Variants in RNF32 observed in about 807,000 individuals in gnomAD.
The protein encoded by RNF32 is ring finger protein 32.
Under a neutral mutation model 41.0 loss-of-function variants are expected in RNF32, and 36 were observed. The observed-to-expected ratio is 0.88, with a 90% CI of 0.67 to 1.16. RNF32 has a LOEUF of 1.16. RNF32 is among the 50% of genes most tolerant of loss of function. The pLI is 0.00. For synonymous variants in RNF32, 154 were observed against 160.9 expected (o/e 0.96, Z 0.32); for missense variants, 413 against 436.7 (o/e 0.95, Z 0.48).
At chr7:156,667,586 G>A (rs1801537957) in intron 7 of RNF32, among the ~76,000 whole-genome samples, 1 of 152,158 alleles carries the variant, frequency 6.6e-6, no homozygotes, top group Non-Finnish European at 1.5e-5. Context: ...GTTTTTGACA[G>A]TTCTTGCCCT....
chr7:156,651,924 C>T (rs534711194), intron 3 of RNF32, among the ~76,000 whole-genome samples: 4 of 152,340 alleles, frequency 2.6e-5, no homozygotes, highest in South Asian at 2.1e-4. Context: ...GGCCCCTCCC[C>T]GGGCTCCCTC....
At chr7:156,658,942 G>A (rs1800167918) in intron 7 of RNF32, 3 of 1,524,936 alleles carry the variant, frequency 2.0e-6, no homozygotes, top group Non-Finnish European at 2.6e-6. Context: ...ACATCTCATA[G>A]TAATGAAAAT....
intron 5 of RNF32, chr7:156,657,783 A>G (rs1297478984): frequency 1.6e-6 from 1 of 617,018 alleles, no homozygotes; most frequent in Non-Finnish European, 2.9e-6. Context: ...ACAAATGTTT[A>G]TGTAACAGAT....
In RNF32 at chr7:156,658,551, A is replaced by G; in HGVS notation, c.665A>G (p.Lys222Arg). 6.2e-7 allele frequency: 1 copy of G among 1,611,960 alleles called. No individual in the cohort carries two copies. Among genetic ancestry groups the G allele is most frequent in the Non-Finnish European group, 8.5e-7 (1 of 1,177,984 alleles). Residue 222 changes from lysine (K) to arginine (R), a missense_variant, in exon 7 of 9, where the codon AAA (lysine) becomes AGA (arginine). Coordinates refer to ENST00000317955, the MANE Select transcript of RNF32 (RefSeq NM_030936.4). The part of the protein sequence containing the change: ...TVPPTDAKLR[K>R]KFFEKKFTEI... ...CCTCCCACAGATGCCAAGTTAAGAAAAAAATTCTTTGAAAAAAAGGTAGGT... is the reference window on the plus strand; with the variant it reads ...CCTCCCACAGATGCCAAGTTAAGAAGAAAATTCTTTGAAAAAAAGGTAGGT...
At chr7:156,653,618 T>C (rs570685775) in intron 3 of RNF32, among the ~76,000 whole-genome samples, 52 of 152,350 alleles carry the variant, frequency 3.4e-4, no homozygotes, top group Non-Finnish European at 6.5e-4. Flanking sequence ...TTTTTATGCA[T>C]TGACCCGTCT....
Position 156,676,541 on chromosome 7 carries a change from G to A in RNF32, c.975G>A (p.Val325=). 1 of 1,614,146 alleles carries A rather than the reference G, an allele frequency of 6.2e-7. No individual in the cohort carries two copies. Residue 325 remains valine (V), a synonymous_variant, in exon 9 of 9, where the codon GTG becomes GTA. Transcript: ENST00000317955. Reference sequence around the variant, plus strand: ...TGGCCCTCCTGTCCTGCTCACATGTGTTCCACCATGCGTGTCTGCTGGCAC... The same window carrying A: ...TGGCCCTCCTGTCCTGCTCACATGTATTCCACCATGCGTGTCTGCTGGCAC... The part of the protein sequence containing the change: ...REMALLSCSH[V]FHHACLLALE...
In RNF32 at chr7:156,669,833, C is replaced by T. The variant is rs1303586179; in HGVS notation, c.685-5863C>T. On this transcript the variant is annotated intron_variant, in intron 7 of 8. Coordinates refer to ENST00000317955, the MANE Select transcript of RNF32 (RefSeq NM_030936.4). This position sits in a 1 kb window ranked among gnomAD's most constrained non-coding sequence, Gnocchi z 4.2. ...GGAGGCTCAAAATAACCAGATGAGA[C>T]GTGCAGTTGGGCCTGCAGCACGCAG... 2.6e-5 allele frequency among the ~76,000 whole-genome samples: 4 copies of T among 152,172 alleles called. No individual in the cohort carries two copies. Among genetic ancestry groups the T allele is most frequent in the African/African-American group, 9.6e-5 (4 of 41,456 alleles).
upstream of RNF32, chr7:156,640,448 G>T (rs886138483): frequency 3.5e-5 from 13 of 369,600 alleles, no homozygotes; most frequent in African/African-American, 2.5e-4. Flanking sequence ...GCGCCTGCAC[G>T]CCCCCGTGCT....
At position 156,655,464 on chromosome 7, in the gene RNF32, C is replaced by T. The variant is rs114280064; in HGVS notation, c.417+746C>T. Among the ~76,000 whole-genome samples the T allele has an allele frequency of 2.7e-3, 411 of 152,316 alleles. 5 individuals are homozygous for T. The highest frequency in any genetic ancestry group is 9.4e-3 in the African/African-American group (390 of 41,568). On this transcript the variant is annotated intron_variant, in intron 4 of 8. Coordinates refer to ENST00000317955, the MANE Select transcript of RNF32 (RefSeq NM_030936.4). ...CAATTTCCCACGTGGTGTGGCATTA[C>T]GCTTCCTGCATAGCAGGCCCTCAGA...
At chr7:156,656,965 C>A (rs1372160777) in intron 4 of RNF32, among the ~76,000 whole-genome samples, 1 of 152,170 alleles carries the variant, frequency 6.6e-6, no homozygotes, top group African/African-American at 2.4e-5. Flanking sequence ...TTGTCACAGC[C>A]CAGTATATCA....
intron 4 of RNF32, 54 bp downstream of exon 4, chr7:156,654,772 G>A (rs993099653): frequency 3.8e-5 from 58 of 1,541,936 alleles, no homozygotes; most frequent in Non-Finnish European, 4.7e-5. Flanking sequence ...TCCTAGGGAC[G>A]AGGCCCAGAG....
chr7:156,663,518 C>T (rs1800936310), intron 7 of RNF32, among the ~76,000 whole-genome samples: 3 of 152,130 alleles, frequency 2.0e-5, no homozygotes, highest in Admixed American at 2.0e-4. Context: ...AAAATGTCCA[C>T]TTACTTTATA....
upstream of RNF32, chr7:156,640,721 G>A: frequency 3.6e-6 from 1 of 280,612 alleles, no homozygotes. Context: ...GCGGAGGCGG[G>A]CGTTGCTACG....
Position 156,658,218 on chromosome 7 carries a change from G to A in RNF32, c.541G>A (p.Gly181Arg), listed in dbSNP as rs1800029235. 1 of 1,614,094 alleles carries A rather than the reference G, an allele frequency of 6.2e-7. No homozygotes were observed. ...GTATCAAACCCGAGTGATACACGAT[G>A]GGGCCCGCCTGTTCAGAATCAAGTG... is the stretch of plus-strand genomic sequence containing the variant. Reference protein sequence around the residue: ...NQYQTRVIHDGARLFRIKCVT... With the variant: ...NQYQTRVIHDRARLFRIKCVT... Residue 181 changes from glycine to arginine, a missense_variant, in exon 6 of 9, where the codon GGG becomes AGG. Physicochemically the swap from Gly to Arg is moderately radical, Grantham distance 125. Transcript: ENST00000317955.
chr7:156,642,557 G>A (rs1052859059), intron 1 of RNF32, among the ~76,000 whole-genome samples: 5 of 152,230 alleles, frequency 3.3e-5, no homozygotes, highest in Admixed American at 3.3e-4. Flanking sequence ...TGTGAATACC[G>A]TATGCTTTAC....
chr7:156,656,873 G>T (rs1234279752), intron 4 of RNF32, among the ~76,000 whole-genome samples: 1 of 152,250 alleles, frequency 6.6e-6, no homozygotes. Flanking sequence ...AGCCCGCAGG[G>T]CCTGGCGCTG....
At chr7:156,643,329 C>G (rs1797602649) in intron 1 of RNF32, among the ~76,000 whole-genome samples, 2 of 152,184 alleles carry the variant, frequency 1.3e-5, no homozygotes, top group Non-Finnish European at 2.9e-5. Flanking sequence ...GTTCCTCTTG[C>G]GTTCCAGTTT....
At position 156,676,566 on chromosome 7, in the gene RNF32, C is replaced by A. The variant is rs1804093528; in HGVS notation, c.1000C>A (p.Leu334Ile). ...HVFHHACLLA[L>I]EEFSVGDRPP... ...GTTCCACCATGCGTGTCTGCTGGCA[C>A]TAGAGGAGTTCTCCGTGGGAGACAG... Residue 334 changes from leucine (L) to isoleucine (I), a missense_variant, in exon 9 of 9, where the codon CTA becomes ATA. Physicochemically the swap from Leu to Ile is conservative, Grantham distance 5. Coordinates refer to ENST00000317955, the MANE Select transcript of RNF32 (RefSeq NM_030936.4). 1.9e-6 allele frequency: 3 copies of A among 1,614,230 alleles called. No individual in the cohort carries two copies. Among genetic ancestry groups the A allele is most frequent in the Non-Finnish European group, 1.7e-6 (2 of 1,180,040 alleles).
Position 156,675,744 on chromosome 7 carries a change from G to T in RNF32, c.733G>T (p.Glu245Ter). 6.2e-7 allele frequency: 1 copy of T among 1,613,708 alleles called. No homozygotes were observed. Among genetic ancestry groups the T allele is most frequent in the Non-Finnish European group, 8.5e-7 (1 of 1,179,810 alleles). Residue 245 changes from glutamate to a stop codon, truncating the protein, a stop_gained, in exon 8 of 9, where the codon GAA becomes TAA. Coordinates refer to ENST00000317955, the MANE Select transcript of RNF32 (RefSeq NM_030936.4). LOFTEE classifies it high-confidence loss of function. Reference protein sequence around the residue: ...RILCSYNTNIEELFAEIDQCL... With the variant: ...RILCSYNTNI ...CCTGTGCTCATACAACACCAACATT[G>T]AAGAGCTCTTTGCAGAAATCGATCA...
Sources: gnomAD v4.1 joint callset for allele counts (sites outside exome capture counted in the v4.1 genomes callset) on GRCh38, gnomAD v4.1.1 for gene constraint, Gnocchi (gnomAD v3.1) non-coding constraint, MANE v1.5 for transcripts, NCBI Gene and HGNC (gene_info 2026-07-23, HGNC 2026-07-21) for gene names.